The following CACNA1I variants were observed in gnomAD, a reference collection of about 807,000 sequenced individuals.
CACNA1I encodes voltage-dependent T-type calcium channel subunit alpha-1I.
In CACNA1I, 74 loss-of-function variants were observed where a neutral mutation model predicts 201.6. The observed-to-expected ratio is 0.37, with a 90% CI of 0.30 to 0.45. The LOEUF is 0.45. Ranked by LOEUF, CACNA1I falls within the 20% of genes least tolerant of loss-of-function variation. CACNA1I has a pLI of 1.00. For synonymous variants in CACNA1I, 1,431 were observed against 1,345.2 expected (o/e 1.06, Z -1.40); for missense variants, 2,346 against 3,138.1 (o/e 0.75, Z 6.03).
rs1326202991 is a variant in CACNA1I, at chr22:39,666,368, TCA to T, written c.4104+363_4104+364del. On this transcript the variant is annotated intron_variant, in intron 23 of 36. Coordinates refer to ENST00000402142, the MANE Select transcript of CACNA1I (RefSeq NM_021096.4). This position sits in a 1 kb window ranked among gnomAD's most constrained non-coding sequence, Gnocchi z 4.1. ...TCTGTAGGTGTGGCCTCCCTGAGCCTCAGTTTCCTCATCTATGAAATGGGAAT... is the reference window on the plus strand; with the variant it reads ...TCTGTAGGTGTGGCCTCCCTGAGCCTGTTTCCTCATCTATGAAATGGGAAT... Among the ~76,000 whole-genome samples, 1 of 152,086 alleles carries T rather than the reference TCA, an allele frequency of 6.6e-6. No individual in the cohort carries two copies. The highest frequency in any genetic ancestry group is 2.4e-5 in the African/African-American group (1 of 41,412).
intron 1 of CACNA1I, among the ~76,000 whole-genome samples, chr22:39,586,352 C>T (rs1192889418): frequency 6.6e-6 from 1 of 152,024 alleles, no homozygotes; most frequent in Admixed American, 6.6e-5. Flanking sequence ...ATTAGCTGGA[C>T]ATGGTGGCAC....
chr22:39,663,022 G>T, intron 18 of CACNA1I, 146 bp downstream of exon 18: 1 of 632,432 alleles, frequency 1.6e-6, no homozygotes. Context: ...CTCCAGGGGA[G>T]AGTGCAGCCT....
intron 1 of CACNA1I, among the ~76,000 whole-genome samples, chr22:39,573,434 T>A (rs1273724900): frequency 6.6e-6 from 1 of 152,038 alleles, no homozygotes; most frequent in Non-Finnish European, 1.5e-5. Context: ...GCTGGGGTGC[T>A]GCCCACGTGT....
intron 26 of CACNA1I, 25 bp from the exon 27 acceptor site, chr22:39,672,174 C>T (rs1036117294): frequency 9.4e-6 from 14 of 1,496,142 alleles, no homozygotes; most frequent in Non-Finnish European, 1.2e-5. Context: ...TGCCCTGGAT[C>T]ATGCTTCTCT....
intron 33 of CACNA1I, 28 bp downstream of exon 33, chr22:39,679,896 C>T (rs1234831288): frequency 6.2e-7 from 1 of 1,603,112 alleles, no homozygotes; most frequent in Non-Finnish European, 8.5e-7. Context: ...GGCCTGGCCC[C>T]TTGTGGCAGG....
Position 39,687,025 on chromosome 22 carries a change from A to C in CACNA1I, c.*620A>C, listed in dbSNP as rs886843607. The C allele has an allele frequency of 6.6e-6, 1 of 151,854 alleles. No individual in the cohort carries two copies. The highest frequency in any genetic ancestry group is 1.9e-4 in the East Asian group (1 of 5,170). 9.4% of individuals were successfully genotyped at this position (151,854 alleles called of 1,614,324 possible). ...TCGGGGTGTCTGTCCTGTCATCCTG[A>C]CTGTCTCGTTATTGTGAAGTCTTTC... On this transcript the variant is annotated 3_prime_UTR_variant, in exon 37 of 37. Transcript: ENST00000402142.
intron 17 of CACNA1I, 63 bp from the exon 18 acceptor site, chr22:39,662,713 A>C: frequency 8.1e-7 from 1 of 1,227,984 alleles, no homozygotes. Context: ...CGATGGCCGC[A>C]TGGGCGGAGA....
intron 15 of CACNA1I, among the ~76,000 whole-genome samples, chr22:39,660,756 A>C (rs1156942955): frequency 2.0e-5 from 3 of 151,968 alleles, no homozygotes; most frequent in African/African-American, 7.3e-5. Flanking sequence ...ACTACTGGGC[A>C]TCTTGGAACA....
chr22:39,604,436 C>T (rs917804321), intron 3 of CACNA1I, among the ~76,000 whole-genome samples: 11 of 152,120 alleles, frequency 7.2e-5, no homozygotes, highest in East Asian at 1.9e-4. Flanking sequence ...GCGATGTGTG[C>T]GGTCACACAG....
chr22:39,625,991 C>T (rs986513324), intron 4 of CACNA1I, among the ~76,000 whole-genome samples: 5 of 152,354 alleles, frequency 3.3e-5, no homozygotes, highest in South Asian at 2.1e-4. Context: ...ATAGTTCCCC[C>T]GACCCAGGCT....
At chr22:39,624,880 T>A (rs1044127983) in intron 4 of CACNA1I, among the ~76,000 whole-genome samples, 26 of 151,852 alleles carry the variant, frequency 1.7e-4, no homozygotes, top group African/African-American at 6.3e-4. Context: ...TACTTATGGT[T>A]TGAGCTGCTT....
intron 8 of CACNA1I, among the ~76,000 whole-genome samples, chr22:39,647,161 TCGG>T (rs976768525): frequency 1.9e-5 from 2 of 102,928 alleles, no homozygotes; most frequent in South Asian, 3.1e-4. Flanking sequence ...CAGATCGGCC[TCGG>T]AGGAAGCCAC....
chr22:39,587,520 G>T (rs1349244526), intron 1 of CACNA1I, among the ~76,000 whole-genome samples: 1 of 152,110 alleles, frequency 6.6e-6, no homozygotes, highest in Non-Finnish European at 1.5e-5. Context: ...ATAAAGTGGG[G>T]TGTAATAATG....
At chr22:39,646,173 T>C (rs774492725) in intron 7 of CACNA1I, among the ~76,000 whole-genome samples, 46 of 152,152 alleles carry the variant, frequency 3.0e-4, no homozygotes, top group South Asian at 1.0e-3. Context: ...AGCGATCTTT[T>C]CCTGTCCCCA....
intron 3 of CACNA1I, among the ~76,000 whole-genome samples, chr22:39,601,527 T>C (rs989739836): frequency 2.0e-5 from 3 of 152,050 alleles, no homozygotes; most frequent in African/African-American, 4.8e-5. Flanking sequence ...GGGTCATTAT[T>C]AGGGCAGAGG....
At chr22:39,635,898 G>C (rs1353111236) in intron 5 of CACNA1I, among the ~76,000 whole-genome samples, 1 of 152,050 alleles carries the variant, frequency 6.6e-6, no homozygotes, top group East Asian at 1.9e-4. Context: ...CCAGCCCCAA[G>C]CTCGCCATCA....
In CACNA1I at chr22:39,684,170, C is replaced by T; in HGVS notation, c.5831-132C>T. On this transcript the variant is annotated intron_variant, in intron 35 of 36. Coordinates refer to ENST00000402142, the MANE Select transcript of CACNA1I (RefSeq NM_021096.4). The surrounding 1 kb of genome is among the most constrained non-coding windows in gnomAD (Gnocchi z 4.6). ...GGCTTAGAGAGGGGGGACTTGTCCA[C>T]AGTCTCACAGTCAGTTTATTAGGTG... 2 of 693,140 alleles carry T rather than the reference C, an allele frequency of 2.9e-6. No individual in the cohort carries two copies. The highest frequency in any genetic ancestry group is 4.9e-6 in the Non-Finnish European group (2 of 404,862). 42.9% of individuals were successfully genotyped at this position (693,140 alleles called of 1,614,324 possible). A position where few individuals can be genotyped will look rare whatever the true frequency, so the allele number is the denominator to read the frequency against.
intron 7 of CACNA1I, among the ~76,000 whole-genome samples, chr22:39,645,369 G>A (rs1440521001): frequency 6.6e-6 from 1 of 152,224 alleles, no homozygotes; most frequent in African/African-American, 2.4e-5. Flanking sequence ...AGGAGGGGAT[G>A]GAGGCCCACC....
Position 39,601,037 on chromosome 22 carries a change from G to A in CACNA1I, c.482+384G>A, listed in dbSNP as rs907077571. ...TGGATCTCTCATCACGCCAGAGACC[G>A]AGCACAGACTCAAGCACTGTCTGAC... On this transcript the variant is annotated intron_variant, in intron 3 of 36. Coordinates refer to ENST00000402142, the MANE Select transcript of CACNA1I (RefSeq NM_021096.4). Among the ~76,000 whole-genome samples the A allele has an allele frequency of 3.9e-5, 6 of 152,116 alleles. No individual in the cohort carries two copies. In the East Asian group the frequency reaches 5.8e-4, roughly 15 times the overall value.
Sources: allele counts gnomAD v4.1 joint callset (sites outside exome capture counted in the v4.1 genomes callset), GRCh38; gene constraint gnomAD v4.1.1; non-coding constraint Gnocchi (gnomAD v3.1); transcripts MANE v1.5; gene names NCBI Gene and HGNC (gene_info 2026-07-23, HGNC 2026-07-21).